The following RAB38 variants were observed in gnomAD, a reference collection of about 807,000 sequenced individuals.
The protein encoded by RAB38 is RAB38, member RAS oncogene family, also known as ras-related protein Rab-38.
Under a neutral mutation model 18.4 loss-of-function variants are expected in RAB38, and 15 were observed. The ratio of observed to expected loss-of-function variants is 0.82; its 90% confidence interval spans 0.55 to 1.26. The LOEUF (loss-of-function observed/expected upper bound fraction) is 1.26, where lower values mean the gene tolerates loss of function less well. Ranked by LOEUF, RAB38 falls within the 50% of genes most tolerant of loss-of-function variation. The pLI, the probability that RAB38 is intolerant of heterozygous loss-of-function variation, is 0.00. For missense variants in RAB38, 294 were observed against 267.4 expected, an observed-to-expected ratio of 1.10 and a Z score of -0.69; for synonymous variants, 101 against 104.4, an observed-to-expected ratio of 0.97 and a Z score of 0.20.
chr11:87,913,076 C>G, the RAB38 span, among the ~76,000 whole-genome samples: 3 of 151,878 alleles, frequency 2.0e-5, no homozygotes, highest in African/African-American at 7.2e-5. Flanking sequence ...CTTTCTATTA[C>G]TGAATTTATT....
At chr11:88,110,770 C>T (rs1223089312), downstream of RAB38, among the ~76,000 whole-genome samples, 2 of 148,464 alleles carry the variant, frequency 1.3e-5, no homozygotes, top group African/African-American at 5.0e-5. Context: ...TGAGCTATCG[C>T]ACCACTGCAC....
intron 2 of RAB38, among the ~76,000 whole-genome samples, chr11:88,125,587 T>A (rs959850791): frequency 1.3e-5 from 2 of 152,236 alleles, no homozygotes; most frequent in African/African-American, 4.8e-5. Flanking sequence ...GTGAATTTGT[T>A]TGAGTTCTGT....
At chr11:88,009,751 G>A in the RAB38 span, among the ~76,000 whole-genome samples, 1 of 152,184 alleles carries the variant, frequency 6.6e-6, no homozygotes, top group Non-Finnish European at 1.5e-5. Context: ...GTGCCAGTGA[G>A]ATTAGCTCTT....
chr11:87,954,559 G>GAAATTTCTGTGCCTTATCTGAACAA, the RAB38 span, among the ~76,000 whole-genome samples: 1 of 151,818 alleles, frequency 6.6e-6, no homozygotes, highest in African/African-American at 2.4e-5. Context: ...GCCTTGTTGA[G>GAAATTTCTGTGCCTTATCTGAACAA]AAATTTCTGT....
chr11:88,048,484 C>T, the RAB38 span, among the ~76,000 whole-genome samples: 1,368 of 152,254 alleles, frequency 9.0e-3, 13 homozygotes, highest in Non-Finnish European at 0.015. Flanking sequence ...CCAAGCCCAG[C>T]CTCCAACTTA....
At chr11:88,084,313 TA>T in the RAB38 span, among the ~76,000 whole-genome samples, 9 of 149,874 alleles carry the variant, frequency 6.0e-5, no homozygotes, top group Admixed American at 4.0e-4. Flanking sequence ...GGGCTAGAAT[TA>T]AAAAAAAAGT....
chr11:88,063,329 A>T, the RAB38 span, among the ~76,000 whole-genome samples: 1 of 152,100 alleles, frequency 6.6e-6, no homozygotes, highest in East Asian at 1.9e-4. Context: ...TAAGCTTTGA[A>T]ATTACCCTTT....
the RAB38 span, among the ~76,000 whole-genome samples, chr11:87,813,235 G>A: frequency 1.3e-5 from 2 of 152,282 alleles, no homozygotes; most frequent in Non-Finnish European, 2.9e-5. Flanking sequence ...TTCAAGTGAT[G>A]AATTTTGGAA....
the RAB38 span, among the ~76,000 whole-genome samples, chr11:87,882,879 A>C: frequency 6.6e-6 from 1 of 151,890 alleles, no homozygotes. Context: ...CCCAAGAAAA[A>C]AAATAAGTTT....
chr11:88,163,094 T>C (rs1220975020), intron 1 of RAB38, among the ~76,000 whole-genome samples: 91 of 152,134 alleles, frequency 6.0e-4, no homozygotes, highest in Non-Finnish European at 2.4e-4. Flanking sequence ...AGGCCCTGCC[T>C]TGTACTGCTT....
At chr11:88,142,687 C>T (rs2134815192) in intron 2 of RAB38, among the ~76,000 whole-genome samples, 1 of 152,282 alleles carries the variant, frequency 6.6e-6, no homozygotes, top group African/African-American at 2.4e-5. Flanking sequence ...CTCTCACATC[C>T]AGAGCTGGAC....
the RAB38 span, among the ~76,000 whole-genome samples, chr11:87,804,290 A>T: frequency 1.3e-5 from 2 of 152,158 alleles, no homozygotes; most frequent in South Asian, 4.2e-4. Flanking sequence ...CAGTGGGTGT[A>T]TGCATTGTCC....
At chr11:87,843,624 T>C in the RAB38 span, among the ~76,000 whole-genome samples, 1 of 152,348 alleles carries the variant, frequency 6.6e-6, no homozygotes, top group South Asian at 2.1e-4. Flanking sequence ...CATAGCTTAC[T>C]TATGAGATAA....
intron 2 of RAB38, among the ~76,000 whole-genome samples, chr11:88,143,829 T>C (rs1306845071): frequency 6.6e-6 from 1 of 152,216 alleles, no homozygotes; most frequent in African/African-American, 2.4e-5. Flanking sequence ...TTCATTTCTA[T>C]TCTCCTATTA....
chr11:88,029,249 C>T, the RAB38 span, among the ~76,000 whole-genome samples: 386 of 152,186 alleles, frequency 2.5e-3, 1 homozygote, highest in Non-Finnish European at 4.4e-3. Context: ...TTGAAAGGAA[C>T]AACCGGTACC....
At chr11:88,036,673 G>T in the RAB38 span, among the ~76,000 whole-genome samples, 4 of 151,958 alleles carry the variant, frequency 2.6e-5, no homozygotes, top group East Asian at 7.7e-4. Flanking sequence ...TAGAGGTAGG[G>T]TCACTTGTTT....
the RAB38 span, among the ~76,000 whole-genome samples, chr11:88,091,189 G>T: frequency 6.6e-6 from 1 of 151,962 alleles, no homozygotes; most frequent in African/African-American, 2.4e-5. Flanking sequence ...GGGAGCAGGG[G>T]ATGGAGGGAC....
the RAB38 span, among the ~76,000 whole-genome samples, chr11:87,909,200 T>C: frequency 6.6e-6 from 1 of 152,074 alleles, no homozygotes; most frequent in Non-Finnish European, 1.5e-5. Context: ...GGAAAATTTC[T>C]TGAACTTTTT....
the RAB38 span, among the ~76,000 whole-genome samples, chr11:87,958,366 A>C: frequency 6.6e-6 from 1 of 152,200 alleles, no homozygotes; most frequent in African/African-American, 2.4e-5. Flanking sequence ...GTTAAGAAGC[A>C]TCTACCCCTG....
Sources: gnomAD v4.1 joint callset for allele counts (sites outside exome capture counted in the v4.1 genomes callset) on GRCh38, gnomAD v4.1.1 for gene constraint, MANE v1.5 for transcripts, NCBI Gene and HGNC (gene_info 2026-07-23, HGNC 2026-07-21) for gene names.